Variants in CHM observed in about 807,000 individuals in gnomAD.
CHM encodes the protein CHM Rab escort protein.
CHM carries 10 observed loss-of-function variants against 49.0 expected under a neutral mutation model. That is an observed-to-expected ratio of 0.20 (90% CI 0.13 to 0.35). The LOEUF is 0.35. CHM is among the 10% of genes least tolerant of loss of function. The pLI is 1.00. For missense variants in CHM, 455 were observed against 478.4 expected (o/e 0.95, Z 0.46); for synonymous variants, 184 against 167.5 (o/e 1.10, Z -0.76).
chrX:85,969,410 T>G, intron 4 of CHM: 1 of 729,838 alleles, frequency 1.4e-6, no homozygotes, highest in East Asian at 1.5e-4. Flanking sequence ...CTGTTCAAGA[T>G]CTAAAACTAG....
chrX:85,980,533 AATCAATCAATGCAATGGTGCTTGGC>A (rs1290329886), intron 3 of CHM, among the ~76,000 whole-genome samples: 2 of 112,318 alleles, frequency 1.8e-5, no homozygotes, highest in African/African-American at 6.5e-5. Flanking sequence ...TGATTAAATC[AATCAATCAATGCAATGGTGCTTGGC>A]ACATGATAAA....
intron 3 of CHM, among the ~76,000 whole-genome samples, chrX:85,979,566 T>A (rs1017314839): frequency 6.3e-5 from 7 of 111,965 alleles, no homozygotes; most frequent in South Asian, 7.4e-4. Context: ...TTTTATGGAG[T>A]ATTTGAATAC....
chrX:85,865,119 T>C (rs756436859), intron 14 of CHM, among the ~76,000 whole-genome samples: 3 of 111,538 alleles, frequency 2.7e-5, no homozygotes, highest in South Asian at 3.8e-4. Flanking sequence ...TATATATCAA[T>C]AGAAATACAA....
chrX:86,037,173 G>T (rs1934285771), intron 1 of CHM, among the ~76,000 whole-genome samples: 1 of 94,598 alleles, frequency 1.1e-5, no homozygotes, highest in Admixed American at 1.3e-4. Flanking sequence ...CTGGGGTACA[G>T]TGGCACAGTC....
intron 8 of CHM, among the ~76,000 whole-genome samples, chrX:85,922,179 T>G (rs754955490): frequency 8.9e-6 from 1 of 112,515 alleles, no homozygotes; most frequent in East Asian, 2.8e-4. Flanking sequence ...TATTGCATAT[T>G]TATATTACTA....
At chrX:86,001,193 T>C (rs1932703342) in intron 2 of CHM, among the ~76,000 whole-genome samples, 1 of 111,904 alleles carries the variant, frequency 8.9e-6, no homozygotes, top group Non-Finnish European at 1.9e-5. Flanking sequence ...AAAAATGTGA[T>C]AAAGATGTGG....
At chrX:86,000,269 G>GA (rs11299180) in intron 2 of CHM, among the ~76,000 whole-genome samples, 2 of 72,625 alleles carry the variant, frequency 2.8e-5, no homozygotes, top group Non-Finnish European at 2.7e-5. Context: ...AAGTCTTCCT[G>GA]AAAAAAAAAA....
intron 8 of CHM, among the ~76,000 whole-genome samples, chrX:85,922,176 T>C (rs1927829457): frequency 8.9e-6 from 1 of 112,499 alleles, no homozygotes; most frequent in Non-Finnish European, 1.9e-5. Flanking sequence ...TTATATTGCA[T>C]ATTTATATTA....
intron 4 of CHM, among the ~76,000 whole-genome samples, chrX:85,971,937 G>A (rs969836274): frequency 9.1e-6 from 1 of 110,204 alleles, no homozygotes; most frequent in African/African-American, 3.3e-5. Flanking sequence ...ACAGGGTGCT[G>A]ATTGGTGTGT....
chrX:85,946,333 G>C (rs995620886), intron 8 of CHM, among the ~76,000 whole-genome samples: 1 of 112,412 alleles, frequency 8.9e-6, no homozygotes, highest in Non-Finnish European at 1.9e-5. Flanking sequence ...AGGCATTTCA[G>C]AGAACTTCGA....
In CHM at chrX:85,944,572, AT is replaced by A. The variant is rs775426462; in HGVS notation, c.1166+11580del. On this transcript the variant is annotated intron_variant, in intron 8 of 14. Transcript: ENST00000357749. ...AAGCTGCTTAAAGATACATATATCC[AT>A]TTATATATTTGTAACTTTTGGCCTT... is the stretch of plus-strand genomic sequence containing the variant. Among the ~76,000 whole-genome samples, 93 of 111,895 alleles carry A rather than the reference AT, an allele frequency of 8.3e-4. 1 individual carries two copies. Among genetic ancestry groups the A allele is most frequent in the Admixed American group, 5.5e-3 (58 of 10,520 alleles).
intron 8 of CHM, among the ~76,000 whole-genome samples, chrX:85,953,988 C>A (rs1364622067): frequency 9.0e-6 from 1 of 111,240 alleles, no homozygotes; most frequent in Non-Finnish European, 1.9e-5. Context: ...AAAAGACAAC[C>A]CACAGAATGA....
At chrX:85,922,460 T>A (rs983768634) in intron 8 of CHM, among the ~76,000 whole-genome samples, 2 of 112,421 alleles carry the variant, frequency 1.8e-5, no homozygotes. Context: ...TTGGACGGCA[T>A]ATGCCATAGC....
chrX:85,893,956 T>C (rs1925648722), intron 12 of CHM, among the ~76,000 whole-genome samples: 1 of 112,217 alleles, frequency 8.9e-6, no homozygotes, highest in Non-Finnish European at 1.9e-5. Flanking sequence ...ATAAAATTCC[T>C]TAACTGGAGA....
chrX:85,934,660 A>G (rs768508695), intron 8 of CHM, among the ~76,000 whole-genome samples: 1 of 110,402 alleles, frequency 9.1e-6, no homozygotes, highest in Non-Finnish European at 1.9e-5. Context: ...TATATGTGCC[A>G]CATTTCCTTA....
chrX:85,988,037 C>G (rs1165061595), intron 2 of CHM, among the ~76,000 whole-genome samples: 1 of 111,739 alleles, frequency 8.9e-6, no homozygotes, highest in Non-Finnish European at 1.9e-5. Flanking sequence ...ACAAAAACCT[C>G]GCAGGGATAT....
chrX:85,870,503 T>C (rs1923982476), intron 14 of CHM, among the ~76,000 whole-genome samples: 1 of 111,799 alleles, frequency 8.9e-6, no homozygotes, highest in African/African-American at 3.3e-5. Flanking sequence ...CATCAGCCAA[T>C]TTAACTCATT....
intron 8 of CHM, among the ~76,000 whole-genome samples, chrX:85,918,491 A>G (rs1927589074): frequency 8.9e-6 from 1 of 111,880 alleles, no homozygotes; most frequent in Non-Finnish European, 1.9e-5. Flanking sequence ...GCAACCACAC[A>G]ACCAAGTCTA....
At chrX:85,878,598 T>C (rs753333860) in intron 13 of CHM, among the ~76,000 whole-genome samples, 1 of 112,108 alleles carries the variant, frequency 8.9e-6, no homozygotes, top group East Asian at 2.8e-4. Context: ...TAAAGGAATA[T>C]ATGCTTTTTG....
Sources: gnomAD v4.1 joint callset for allele counts (sites outside exome capture counted in the v4.1 genomes callset) on GRCh38, gnomAD v4.1.1 for gene constraint, MANE v1.5 for transcripts, NCBI Gene and HGNC (gene_info 2026-07-23, HGNC 2026-07-21) for gene names.